The following SRRM3 variants were observed in gnomAD, a reference collection of about 807,000 sequenced individuals.
SRRM3 encodes the protein serine/arginine repetitive matrix protein 3.
Under a neutral mutation model 66.2 loss-of-function variants are expected in SRRM3, and 27 were observed. That is an observed-to-expected ratio of 0.41 (90% CI 0.30 to 0.56). The LOEUF is 0.56. SRRM3 is among the 20% of genes least tolerant of loss of function. SRRM3 has a pLI of 0.32. For missense variants in SRRM3, 918 were observed against 991.9 expected (o/e 0.93, Z 1.00); for synonymous variants, 391 against 414.9 (o/e 0.94, Z 0.70).
chr7:76,230,438 C>T (rs1800985637), intron 1 of SRRM3, among the ~76,000 whole-genome samples: 1 of 151,996 alleles, frequency 6.6e-6, no homozygotes, highest in Non-Finnish European at 1.5e-5. Flanking sequence ...TCACTTGAGC[C>T]CAGGAGCTTG....
rs1554612765 is a variant in SRRM3 at position 76,285,867 on chromosome 7, C to T, written c.*24C>T. 1 of 1,534,640 alleles carries T rather than the reference C, an allele frequency of 6.5e-7. No individual in the cohort carries two copies. Among genetic ancestry groups the T allele is most frequent in the East Asian group, 2.5e-5 (1 of 40,592 alleles). On this transcript the variant is annotated 3_prime_UTR_variant, in exon 15 of 15. Coordinates refer to ENST00000611745, the MANE Select transcript of SRRM3 (RefSeq NM_001110199.3). This position sits in a 1 kb window ranked among gnomAD's most constrained non-coding sequence, Gnocchi z 4.1. ...GAGCCCAGACAGACTCAGCTTGGTG[C>T]CCCCCTGGCACTGGGAGAGGCGAGG...
chr7:76,205,087 T>G (rs1490341927), intron 1 of SRRM3, among the ~76,000 whole-genome samples: 3 of 152,086 alleles, frequency 2.0e-5, no homozygotes, highest in Non-Finnish European at 4.4e-5. Context: ...GCCAAGGTGT[T>G]GGAACTGAGA....
chr7:76,281,805 G>T lies in SRRM3; in HGVS notation c.1370+3G>T. The T allele has an allele frequency of 7.3e-7, 1 of 1,366,030 alleles. No homozygotes were observed. Among genetic ancestry groups the T allele is most frequent in the South Asian group, 1.5e-5 (1 of 66,462 alleles). The allele number at this position is 1,366,030 out of a possible 1,614,324, so 84.6% of individuals were successfully genotyped here. The stretch of plus-strand genomic sequence containing the variant: ...GGCCACGGCGGACACGGGAAACGGT[G>T]AGCGTGCTGGACCCGGAGCTGGACT... On this transcript the variant is annotated splice_donor_region_variant and intron_variant, in intron 12 of 14. Coordinates refer to ENST00000611745, the MANE Select transcript of SRRM3 (RefSeq NM_001110199.3).
chr7:76,286,260 G>A lies in SRRM3; in HGVS notation c.*417G>A, dbSNP rs966684040. The A allele has an allele frequency of 8.7e-5, 19 of 217,780 alleles. No homozygotes were observed. The Middle Eastern group carries it at 2.4e-3, about 27-fold the overall frequency. 13.5% of individuals were successfully genotyped at this position (217,780 alleles called of 1,614,324 possible). A position where few individuals can be genotyped will look rare whatever the true frequency, so the allele number is the denominator to read the frequency against. ...ACACCTTGCAAGGTGCCAGCCCTGG[G>A]AGCCCCTCTTCCGCACTACACAGCT... On this transcript the variant is annotated 3_prime_UTR_variant, in exon 15 of 15. Coordinates refer to ENST00000611745, the MANE Select transcript of SRRM3 (RefSeq NM_001110199.3).
chr7:76,264,860 C>T (rs782318166), intron 9 of SRRM3, 45 bp downstream of exon 9: 1 of 1,595,752 alleles, frequency 6.3e-7, no homozygotes, highest in Non-Finnish European at 8.6e-7. Flanking sequence ...GTTCTCCCTC[C>T]CGCCCCAGCA....
intron 1 of SRRM3, among the ~76,000 whole-genome samples, chr7:76,223,528 T>G (rs1361699608): frequency 6.6e-6 from 1 of 152,220 alleles, no homozygotes; most frequent in African/African-American, 2.4e-5. Context: ...AAACGATTGT[T>G]GCACACACTT....
At chr7:76,257,933 G>A (rs2117050316) in intron 3 of SRRM3, among the ~76,000 whole-genome samples, 1 of 152,248 alleles carries the variant, frequency 6.6e-6, no homozygotes, top group African/African-American at 2.4e-5. Context: ...GACAGTGCAG[G>A]ATGAGCCCTT....
In SRRM3 at chr7:76,264,825, C is replaced by T. The variant is rs1554609258; in HGVS notation, c.725+10C>T. 1.2e-6 allele frequency: 2 copies of T among 1,613,392 alleles called. No homozygotes were observed. Among genetic ancestry groups the T allele is most frequent in the Admixed American group, 1.7e-5 (1 of 59,986 alleles). On this transcript the variant is annotated intron_variant, in intron 9 of 14. Transcript: ENST00000611745. ...ACAAAGAGAAGAAGAGGTAAGCGCC[C>T]TCCCTACTCTCCAGCCCCCCATTCG...
intron 6 of SRRM3, among the ~76,000 whole-genome samples, 192 bp downstream of exon 6, chr7:76,261,095 C>A (rs1453405308): frequency 6.6e-6 from 1 of 151,370 alleles, no homozygotes; most frequent in Non-Finnish European, 1.5e-5. Context: ...GGGTTTGAAA[C>A]TATCTTTGCC....
chr7:76,272,340 C>T (rs539464287), intron 11 of SRRM3, among the ~76,000 whole-genome samples: 3 of 152,200 alleles, frequency 2.0e-5, no homozygotes, highest in East Asian at 1.9e-4. Flanking sequence ...GCACGAAGAT[C>T]GCTTGAGACC....
At chr7:76,228,098 G>A (rs1473729711) in intron 1 of SRRM3, among the ~76,000 whole-genome samples, 2 of 152,152 alleles carry the variant, frequency 1.3e-5, no homozygotes, top group South Asian at 4.2e-4. Context: ...TCGAATTCCT[G>A]ACCTCAAGTG....
intron 11 of SRRM3, among the ~76,000 whole-genome samples, chr7:76,277,733 AAAGAG>A (rs1191721856): frequency 6.9e-6 from 1 of 144,978 alleles, no homozygotes; most frequent in East Asian, 2.1e-4. Context: ...AAAAAAAAAA[AAAGAG>A]AGAGAGAGAA....
At chr7:76,217,897 G>A (rs782343106) in intron 1 of SRRM3, among the ~76,000 whole-genome samples, 1 of 152,100 alleles carries the variant, frequency 6.6e-6, no homozygotes. Context: ...CTCACGACCC[G>A]AACCACTGTG....
chr7:76,266,444 A>G (rs1802047589), intron 10 of SRRM3, among the ~76,000 whole-genome samples: 1 of 111,916 alleles, frequency 8.9e-6, no homozygotes. Flanking sequence ...ATATAGATAT[A>G]TATTTTAATA....
At position 76,256,802 on chromosome 7, in the gene SRRM3, T is replaced by C. The variant is rs187128848; in HGVS notation, c.336-3104T>C. Reference sequence around the variant, plus strand: ...TCGGCTCACTGCAACCTCCGCCTCCTGGGTTCAAGCGATTCTCCTGCCTCA... The same window carrying C: ...TCGGCTCACTGCAACCTCCGCCTCCCGGGTTCAAGCGATTCTCCTGCCTCA... On this transcript the variant is annotated intron_variant, in intron 3 of 14. Transcript: ENST00000611745. 1.3e-3 allele frequency among the ~76,000 whole-genome samples: 196 copies of C among 150,442 alleles called. 10 individuals are homozygous for C. The South Asian group carries it at 0.037, about 29-fold the overall frequency.
At chr7:76,218,942 C>T (rs1360221489) in intron 1 of SRRM3, among the ~76,000 whole-genome samples, 1 of 152,064 alleles carries the variant, frequency 6.6e-6, no homozygotes, top group Non-Finnish European at 1.5e-5. Context: ...GCCACTTCTG[C>T]CTCCCAGGTT....
chr7:76,215,394 GTTTT>G (rs1170079332), intron 1 of SRRM3, among the ~76,000 whole-genome samples: 2 of 95,112 alleles, frequency 2.1e-5, no homozygotes, highest in South Asian at 3.8e-4. Flanking sequence ...GGAGCCCGCA[GTTTT>G]TTTTTTTTTT....
Position 76,267,365 on chromosome 7 carries a change from G to T in SRRM3, c.938G>T (p.Arg313Leu). 1 of 1,476,490 alleles carries T rather than the reference G, an allele frequency of 6.8e-7. No individual in the cohort carries two copies. Among genetic ancestry groups the T allele is most frequent in the Non-Finnish European group, 8.9e-7 (1 of 1,119,748 alleles). 91.5% of individuals were successfully genotyped at this position (1,476,490 alleles called of 1,614,324 possible). ...GGCAGCGGATGGGGGTCGCCCCAGCGGAACGGCGGCAGCGGGCAGCGGAGC... is the reference window on the plus strand; with the variant it reads ...GGCAGCGGATGGGGGTCGCCCCAGCTGAACGGCGGCAGCGGGCAGCGGAGC... ...SGGSGWGSPQ[R>L]NGGSGQRSGA... Residue 313 changes from arginine (R) to leucine (L), a missense_variant, in exon 11 of 15, where the codon CGG (arginine) becomes CTG (leucine). Physicochemically the swap from Arg to Leu is moderately radical, Grantham distance 102 (BLOSUM62 -2). Coordinates refer to ENST00000611745, the MANE Select transcript of SRRM3 (RefSeq NM_001110199.3).
chr7:76,208,136 G>C (rs1800344481), intron 1 of SRRM3, among the ~76,000 whole-genome samples: 1 of 152,120 alleles, frequency 6.6e-6, no homozygotes, highest in Admixed American at 6.6e-5. Flanking sequence ...AGAACTGCTA[G>C]GGAAGGAGGA....
Sources: gnomAD v4.1 joint callset for allele counts (sites outside exome capture counted in the v4.1 genomes callset) on GRCh38, gnomAD v4.1.1 for gene constraint, Gnocchi (gnomAD v3.1) non-coding constraint, MANE v1.5 for transcripts, NCBI Gene and HGNC (gene_info 2026-07-23, HGNC 2026-07-21) for gene names.